The following BIRC6 variants were observed in gnomAD, a reference collection of about 807,000 sequenced individuals.
The protein encoded by BIRC6 is baculoviral IAP repeat containing 6.
A neutral mutation model predicts 503.3 loss-of-function variants in BIRC6; 98 were observed. That is an observed-to-expected ratio of 0.19 (90% confidence interval 0.17 to 0.23). The LOEUF (loss-of-function observed/expected upper bound fraction) is 0.23, where lower values mean the gene tolerates loss of function less well. Ranked by LOEUF, BIRC6 falls within the 10% of genes least tolerant of loss-of-function variation. The pLI is 1.00. For synonymous variants in BIRC6, 2,240 were observed against 2,078.7 expected (o/e 1.08, Z -2.11); for missense variants, 5,360 against 5,806.0 (o/e 0.92, Z 2.50).
chr2:32,481,365 T>C lies in BIRC6; in HGVS notation c.7454T>C (p.Leu2485Pro). The C allele has an allele frequency of 6.2e-7, 1 of 1,611,318 alleles. No homozygotes were observed. The highest frequency in any genetic ancestry group is 8.5e-7 in the Non-Finnish European group (1 of 1,178,356). ...TTGGAAAAAGATAAAGAAATTGACC[T>C]TGAGTTACTTCAGGATCTAATGGAA... ...SSLEKDKEID[L>P]ELLQDLMEVD... is the part of the protein sequence containing the mutation. The change falls in exon 38 of 74, where the codon CTT (leucine) becomes CCT (proline). Residue 2485 changes from leucine to proline, a missense_variant. Around this residue, in one of 16 missense-constraint regions of BIRC6, gnomAD observed 2,299 missense variants for 2,267.2 expected, o/e 1.01. Transcript: ENST00000421745.
chr2:32,610,964 A>G (rs1339814996), intron 72 of BIRC6, among the ~76,000 whole-genome samples: 1 of 152,068 alleles, frequency 6.6e-6, no homozygotes, highest in Non-Finnish European at 1.5e-5. Flanking sequence ...TGACCTTGTG[A>G]TTCGCCTGCC....
Position 32,501,875 on chromosome 2 carries a change from A to G in BIRC6, c.9194A>G (p.Tyr3065Cys), listed in dbSNP as rs575371889. The change falls in exon 47 of 74, where the codon TAT becomes TGT. Residue 3065 changes from tyrosine to cysteine, a missense_variant. Physicochemically the swap from Tyr to Cys is radical, Grantham distance 194 (BLOSUM62 -2). Coordinates refer to ENST00000421745, the MANE Select transcript of BIRC6 (RefSeq NM_016252.4). ...ATTTTAACATACATGGCCTGTGGATATATGGGCAGACAAGTAAGTTCAAGC... is the reference window on the plus strand; with the variant it reads ...ATTTTAACATACATGGCCTGTGGATGTATGGGCAGACAAGTAAGTTCAAGC... ...QPILTYMACGYMGRQGSLATC... is the reference protein window; with the variant it reads ...QPILTYMACGCMGRQGSLATC... 3 of 1,606,704 alleles carry G rather than the reference A, an allele frequency of 1.9e-6. No homozygotes were observed. Among genetic ancestry groups the G allele is most frequent in the Non-Finnish European group, 2.5e-6 (3 of 1,177,976 alleles).
At chr2:32,511,983 T>C (rs1330442727) in intron 53 of BIRC6, among the ~76,000 whole-genome samples, 3 of 152,276 alleles carry the variant, frequency 2.0e-5, no homozygotes, top group Non-Finnish European at 4.4e-5. Flanking sequence ...TTGAAATCTG[T>C]TAGGATTATT....
intron 39 of BIRC6, among the ~76,000 whole-genome samples, chr2:32,484,890 T>C (rs1445878163): frequency 1.3e-5 from 2 of 152,280 alleles, no homozygotes; most frequent in African/African-American, 2.4e-5. Flanking sequence ...AATGAAGATA[T>C]TCACAATGTT....
chr2:32,569,144 G>A (rs562595721), intron 65 of BIRC6, among the ~76,000 whole-genome samples: 23 of 151,746 alleles, frequency 1.5e-4, no homozygotes, highest in African/African-American at 5.3e-4. Context: ...CACCCACAAC[G>A]AGGCCCAGGT....
chr2:32,505,389 T>C, intron 50 of BIRC6, 184 bp downstream of exon 50: 1 of 567,284 alleles, frequency 1.8e-6, no homozygotes. Context: ...ACTGTTAACC[T>C]CAGACAAAAA....
chr2:32,455,379 CAAAAAAAA>C (rs758202958), intron 23 of BIRC6, among the ~76,000 whole-genome samples: 3 of 88,736 alleles, frequency 3.4e-5, no homozygotes, highest in South Asian at 3.9e-4. Context: ...ACTCTGTCTC[CAAAAAAAA>C]AAAAAAAAAA....
chr2:32,402,747 G>T (rs1276655999), intron 8 of BIRC6, among the ~76,000 whole-genome samples: 2 of 152,102 alleles, frequency 1.3e-5, no homozygotes, highest in Non-Finnish European at 2.9e-5. Context: ...CTTAATTTCT[G>T]TGATTTCTTA....
chr2:32,530,676 T>C lies in BIRC6; in HGVS notation c.12095-679T>C, dbSNP rs1319639584. Reference sequence around the variant, plus strand: ...TAGTTTTCATAGTGTGAGTATGATATGAACTTACTTAAACTTTCCATCTTT... The same window carrying C: ...TAGTTTTCATAGTGTGAGTATGATACGAACTTACTTAAACTTTCCATCTTT... On this transcript the variant is annotated intron_variant, in intron 60 of 73. Transcript: ENST00000421745. 2.6e-5 allele frequency among the ~76,000 whole-genome samples: 4 copies of C among 152,200 alleles called. No individual in the cohort carries two copies. The East Asian group carries it at 7.7e-4, about 29-fold the overall frequency.
intron 65 of BIRC6, among the ~76,000 whole-genome samples, chr2:32,560,126 A>G (rs1213425343): frequency 1.3e-5 from 2 of 152,218 alleles, no homozygotes. Flanking sequence ...ACTTAAAGAA[A>G]AGCATACTTA....
intron 60 of BIRC6, 91 bp downstream of exon 60, chr2:32,529,915 T>C (rs2056589392): frequency 8.3e-6 from 7 of 839,898 alleles, no homozygotes; most frequent in Non-Finnish European, 1.2e-5. Context: ...CTTGTGTTTT[T>C]ATTATATCAA....
intron 38 of BIRC6, 149 bp from the exon 39 acceptor site, chr2:32,482,280 A>C (rs1388749620): frequency 1.3e-6 from 1 of 787,098 alleles, no homozygotes; most frequent in East Asian, 2.6e-5. Flanking sequence ...CATTCTTATA[A>C]ATCATTAAAA....
At chr2:32,433,236 T>C (rs1393505387) in intron 12 of BIRC6, among the ~76,000 whole-genome samples, 1 of 152,118 alleles carries the variant, frequency 6.6e-6, no homozygotes, top group Non-Finnish European at 1.5e-5. Flanking sequence ...TTGGAGATTT[T>C]CATTTTCCAG....
chr2:32,518,194 C>A, intron 55 of BIRC6, 60 bp from the exon 56 acceptor site: 1 of 1,451,556 alleles, frequency 6.9e-7, no homozygotes, highest in Non-Finnish European at 9.4e-7. Context: ...TTTTATCTTT[C>A]AAAATAAAAA....
chr2:32,480,621 C>CTTTTTTTTTTTTTTTTTTTTTTTTTTTTT lies in BIRC6; in HGVS notation c.7409-690_7409-662dup, dbSNP rs560251664. Among the ~76,000 whole-genome samples, 3 of 60,742 alleles carry CTTTTTTTTTTTTTTTTTTTTTTTTTTTTT rather than the reference C, an allele frequency of 4.9e-5. 1 individual carries two copies. The highest frequency in any genetic ancestry group is 2.1e-4 in the African/African-American group (3 of 13,992). 39.8% of individuals were successfully genotyped at this position (60,742 alleles called of 152,430 possible). A position where few individuals can be genotyped will look rare whatever the true frequency, so the allele number is the denominator to read the frequency against. On this transcript the variant is annotated intron_variant, in intron 37 of 73. Coordinates refer to ENST00000421745, the MANE Select transcript of BIRC6 (RefSeq NM_016252.4). ...CATAACAGAAAAATAAGGTAAATGG[C>CTTTTTTTTTTTTTTTTTTTTTTTTTTTTT]TTTTTTTTTTTTTTTTTTTTTTTTT...
At chr2:32,456,005 G>T (rs1164108984) in intron 23 of BIRC6, among the ~76,000 whole-genome samples, 1 of 152,170 alleles carries the variant, frequency 6.6e-6, no homozygotes, top group East Asian at 1.9e-4. Flanking sequence ...GCGGAAAAGT[G>T]CAGAAAATAA....
intron 63 of BIRC6, among the ~76,000 whole-genome samples, chr2:32,546,935 C>T (rs976322776): frequency 3.9e-5 from 6 of 152,000 alleles, no homozygotes; most frequent in African/African-American, 1.2e-4. Flanking sequence ...AAAAATTAGC[C>T]GGGCCTGGTG....
chr2:32,538,261 A>C (rs1227374930), intron 61 of BIRC6, among the ~76,000 whole-genome samples: 1 of 152,200 alleles, frequency 6.6e-6, no homozygotes, highest in Non-Finnish European at 1.5e-5. Flanking sequence ...GCACATCCAT[A>C]GCTTGCTCCA....
chr2:32,453,694 G>C (rs2046948934), intron 22 of BIRC6, 114 bp from the exon 23 acceptor site: 2 of 1,012,096 alleles, frequency 2.0e-6, no homozygotes, highest in Admixed American at 4.1e-5. Flanking sequence ...CTGTGTAAGA[G>C]TTGTGTATTT....
Sources: gnomAD v4.1 joint callset for allele counts (sites outside exome capture counted in the v4.1 genomes callset) on GRCh38, gnomAD v4.1.1 for gene constraint, gnomAD v4.1.1 regional missense constraint, MANE v1.5 for transcripts, NCBI Gene and HGNC (gene_info 2026-07-23, HGNC 2026-07-21) for gene names.